RBM6: variants seen among roughly 807,000 people sequenced by gnomAD.
RBM6 encodes the protein RNA-binding protein 6.
Under a neutral mutation model 140.4 loss-of-function variants are expected in RBM6, and 23 were observed. The observed-to-expected ratio is 0.16, with a 90% confidence interval of 0.12 to 0.23. RBM6 has a LOEUF of 0.23. Ranked by LOEUF, RBM6 falls within the 10% of genes least tolerant of loss-of-function variation. RBM6 has a pLI of 1.00. For synonymous variants in RBM6, 439 were observed against 475.6 expected, an observed-to-expected ratio of 0.92 and a Z score of 1.00; for missense variants, 1,139 against 1,386.7, an observed-to-expected ratio of 0.82 and a Z score of 2.84.
intron 7 of RBM6, among the ~76,000 whole-genome samples, chr3:50,049,402 A>G (rs1234186199): frequency 1.3e-5 from 2 of 152,070 alleles, no homozygotes; most frequent in Non-Finnish European, 2.9e-5. Context: ...GAGCCACGGC[A>G]CCCAGCCGGC....
intron 2 of RBM6, among the ~76,000 whole-genome samples, chr3:49,963,653 C>T (rs2084381825): frequency 6.6e-6 from 1 of 152,098 alleles, no homozygotes; most frequent in Admixed American, 6.6e-5. Flanking sequence ...AAAGTGGTAG[C>T]ATTTAGTTGT....
At chr3:50,037,207 C>T (rs1326966155) in intron 6 of RBM6, among the ~76,000 whole-genome samples, 1 of 152,010 alleles carries the variant, frequency 6.6e-6, no homozygotes, top group Non-Finnish European at 1.5e-5. Flanking sequence ...CAAGACCAGC[C>T]GGGGCATCAT....
rs186101810 is a variant in RBM6, at chr3:49,985,474, A to G, written c.1483+10082A>G. ...TTGCCTGGTTCCATGTTTCTTGCTT[A>G]GGTTATCTCTTAGGTCTTTTGTCTG... On this transcript the variant is annotated intron_variant, in intron 5 of 20. Transcript: ENST00000266022. Among the ~76,000 whole-genome samples the G allele has an allele frequency of 2.2e-4, 33 of 152,238 alleles. No homozygotes were observed. In the East Asian group the frequency reaches 6.2e-3, roughly 28 times the overall value.
In RBM6 at chr3:49,967,158, T is replaced by C; in HGVS notation, c.45-312T>C. Reference sequence around the variant, plus strand: ...TGGAAATTTTTGTAGTATGTCACCATTGTTAGCTTATTTGGTATTGCGGAT... The same window carrying C: ...TGGAAATTTTTGTAGTATGTCACCACTGTTAGCTTATTTGGTATTGCGGAT... On this transcript the variant is annotated intron_variant, in intron 2 of 20. Coordinates refer to ENST00000266022, the MANE Select transcript of RBM6 (RefSeq NM_005777.3). The surrounding 1 kb of genome is among the most constrained non-coding windows in gnomAD (Gnocchi z 4.0). The C allele has an allele frequency of 9.8e-7, 1 of 1,017,002 alleles. No individual in the cohort carries two copies. Among genetic ancestry groups the C allele is most frequent in the Non-Finnish European group, 1.2e-6 (1 of 829,878 alleles). The allele number at this position is 1,017,002 out of a possible 1,614,324, so 63.0% of individuals were successfully genotyped here.
chr3:50,037,988 A>G (rs2088647844), intron 6 of RBM6, among the ~76,000 whole-genome samples: 1 of 151,104 alleles, frequency 6.6e-6, no homozygotes, highest in Non-Finnish European at 1.5e-5. Flanking sequence ...TGCCCGGGTA[A>G]TTTTTGTATT....
At chr3:49,971,135 G>A (rs560433919) in intron 3 of RBM6, among the ~76,000 whole-genome samples, 2 of 152,000 alleles carry the variant, frequency 1.3e-5, no homozygotes, top group African/African-American at 4.8e-5. Flanking sequence ...GCGTAGTGAT[G>A]CATGTGTGTA....
At chr3:50,064,883 A>C in intron 15 of RBM6, 148 bp from the exon 16 acceptor site, 1 of 608,102 alleles carries the variant, frequency 1.6e-6, no homozygotes, top group East Asian at 2.9e-5. Flanking sequence ...TGCATTAGCC[A>C]GGGTGGTCTC....
At chr3:50,021,581 C>T (rs978866516) in intron 6 of RBM6, among the ~76,000 whole-genome samples, 10 of 151,946 alleles carry the variant, frequency 6.6e-5, no homozygotes, top group African/African-American at 1.9e-4. Context: ...GCGGAGGTTG[C>T]GGTGAACCAA....
intron 3 of RBM6, 102 bp from the exon 4 acceptor site, chr3:49,971,957 A>T: frequency 1.2e-6 from 1 of 820,024 alleles, no homozygotes; most frequent in Non-Finnish European, 2.0e-6. Context: ...TTCACGTGAC[A>T]TGTCATTATC....
intron 3 of RBM6, among the ~76,000 whole-genome samples, chr3:49,970,357 G>A (rs918538726): frequency 6.6e-6 from 1 of 152,134 alleles, no homozygotes; most frequent in African/African-American, 2.4e-5. Flanking sequence ...TGGGATTACA[G>A]CAATGAGCCA....
At chr3:50,064,014 A>G (rs1332284800) in intron 15 of RBM6, among the ~76,000 whole-genome samples, 2 of 149,426 alleles carry the variant, frequency 1.3e-5, no homozygotes, top group South Asian at 2.2e-4. Flanking sequence ...GCTCACTGCA[A>G]CCTCCGCCTT....
intron 7 of RBM6, among the ~76,000 whole-genome samples, chr3:50,049,058 T>TCCC (rs1330894946): frequency 6.6e-6 from 1 of 151,026 alleles, no homozygotes; most frequent in African/African-American, 2.4e-5. Context: ...TGCCTCAGCC[T>TCCC]CCCAAAGTGC....
intron 3 of RBM6, 22 bp downstream of exon 3, chr3:49,968,770 C>CCTTTT (rs2084630300): frequency 1.6e-6 from 1 of 611,612 alleles, no homozygotes; most frequent in African/African-American, 3.1e-5. Flanking sequence ...GGGTGGATTG[C>CCTTTT]TTTTTTTTTT....
intron 6 of RBM6, among the ~76,000 whole-genome samples, chr3:50,029,788 C>T (rs756019956): frequency 3.3e-5 from 5 of 151,872 alleles, no homozygotes; most frequent in African/African-American, 4.8e-5. Flanking sequence ...CTTGGGAGGC[C>T]GAGGCAGGAG....
chr3:50,053,054 G>C (rs565029071), intron 7 of RBM6, among the ~76,000 whole-genome samples: 3 of 150,380 alleles, frequency 2.0e-5, no homozygotes, highest in Admixed American at 6.7e-5. Flanking sequence ...CTGTTTATAG[G>C]GAAGGGAACA....
chr3:50,064,863 G>T (rs763744136), intron 15 of RBM6, among the ~76,000 whole-genome samples, 168 bp from the exon 16 acceptor site: 1 of 152,176 alleles, frequency 6.6e-6, no homozygotes, highest in Non-Finnish European at 1.5e-5. Flanking sequence ...TAGTAGAGAT[G>T]GAGTTTCACT....
intron 10 of RBM6, among the ~76,000 whole-genome samples, chr3:50,059,077 T>C (rs886486233): frequency 6.6e-6 from 1 of 152,152 alleles, no homozygotes; most frequent in African/African-American, 2.4e-5. Context: ...CTAGGTTCAT[T>C]TTTTTCTTGT....
intron 20 of RBM6, 151 bp downstream of exon 20, chr3:50,075,481 C>T: frequency 1.9e-6 from 2 of 1,078,472 alleles, no homozygotes; most frequent in African/African-American, 3.1e-5. Flanking sequence ...GCCTTGAATA[C>T]TGGGTTATAG....
intron 1 of RBM6, among the ~76,000 whole-genome samples, chr3:49,946,784 C>T (rs978701206): frequency 5.3e-5 from 8 of 151,638 alleles, no homozygotes; most frequent in African/African-American, 7.3e-5. Context: ...ATCTGTCCAC[C>T]TTGGCCTCCC....
Sources: gnomAD v4.1 joint callset for allele counts (sites outside exome capture counted in the v4.1 genomes callset) on GRCh38, gnomAD v4.1.1 for gene constraint, Gnocchi (gnomAD v3.1) non-coding constraint, MANE v1.5 for transcripts, NCBI Gene and HGNC (gene_info 2026-07-23, HGNC 2026-07-21) for gene names.